The following PLEKHG4B variants were observed in gnomAD, a reference collection of about 807,000 sequenced individuals.
The protein encoded by PLEKHG4B is pleckstrin homology and RhoGEF domain containing G4B, also known as pleckstrin homology domain-containing family G member 4B.
A neutral mutation model predicts 121.3 loss-of-function variants in PLEKHG4B; 111 were observed. The ratio of observed to expected loss-of-function variants is 0.92; its 90% CI spans 0.78 to 1.07. PLEKHG4B has a LOEUF of 1.07. PLEKHG4B is among the 50% of genes least tolerant of loss of function. The pLI is 0.00. For synonymous variants in PLEKHG4B, 738 were observed against 725.0 expected (o/e 1.02, Z -0.29); for missense variants, 1,831 against 1,757.8 (o/e 1.04, Z -0.74).
chr5:99,167 AGTGTATATATATAT>A (rs1463034963), intron 1 of PLEKHG4B, among the ~76,000 whole-genome samples: 11 of 82,634 alleles, frequency 1.3e-4, no homozygotes, highest in African/African-American at 5.3e-4. Flanking sequence ...AAAAAAAAAA[AGTGTATATATATAT>A]ATATATATAT....
intron 2 of PLEKHG4B, among the ~76,000 whole-genome samples, chr5:118,353 C>G (rs1306625588): frequency 6.6e-6 from 1 of 152,186 alleles, no homozygotes; most frequent in Non-Finnish European, 1.5e-5. Flanking sequence ...ACATTAAACA[C>G]ACTGACTCTC....
chr5:163,144 G>A lies in PLEKHG4B; in HGVS notation c.3072G>A (p.Glu1024=), dbSNP rs778572795. The A allele has an allele frequency of 1.9e-5, 29 of 1,556,382 alleles. No individual in the cohort carries two copies. The East Asian group carries it at 3.9e-4, about 21-fold the overall frequency. ...CGCTTCTGTGTGGACAGGACGGGGA[G>A]ACCCTGCGCCCAGGGCTGTGTGCTC... ...GRALLCGQDG[E]TLRPGLCALW... is the part of the protein sequence containing the mutation. The change falls in exon 13 of 20, where the codon GAG becomes GAA. Residue 1024 remains glutamate (E), a synonymous_variant. Coordinates refer to ENST00000637938, the MANE Select transcript of PLEKHG4B (RefSeq NM_052909.5).
chr5:107,396 C>T (rs9986162), intron 1 of PLEKHG4B, among the ~76,000 whole-genome samples: 10,515 of 152,288 alleles, frequency 0.069, 648 homozygotes, highest in African/African-American at 0.17. Flanking sequence ...GTAAGTTGCA[C>T]GACGTTGCCC....
At chr5:120,565 C>A (rs532029265) in intron 2 of PLEKHG4B, among the ~76,000 whole-genome samples, 3 of 152,282 alleles carry the variant, frequency 2.0e-5, no homozygotes, top group African/African-American at 7.2e-5. Context: ...TCATTGCACT[C>A]CTGTAGCTTT....
At chr5:108,780 G>A (rs886854679) in intron 1 of PLEKHG4B, among the ~76,000 whole-genome samples, 1 of 151,190 alleles carries the variant, frequency 6.6e-6, no homozygotes, top group Non-Finnish European at 1.5e-5. Context: ...CAGACTGGGT[G>A]CAGATGGCTG....
intron 2 of PLEKHG4B, among the ~76,000 whole-genome samples, chr5:118,996 G>A (rs991438311): frequency 5.9e-5 from 9 of 151,890 alleles, no homozygotes; most frequent in Admixed American, 2.0e-4. Flanking sequence ...GACTACAGGC[G>A]TGTGCCACCA....
intron 1 of PLEKHG4B, among the ~76,000 whole-genome samples, chr5:92,527 G>GGCGCGC (rs113049112): frequency 2.4e-5 from 3 of 126,388 alleles, no homozygotes; most frequent in Non-Finnish European, 5.0e-5. Context: ...AAGGCGGGCG[G>GGCGCGC]GCGCGGGGAC....
intron 7 of PLEKHG4B, among the ~76,000 whole-genome samples, chr5:152,824 C>G (rs1266589964): frequency 6.6e-6 from 1 of 152,172 alleles, no homozygotes; most frequent in Non-Finnish European, 1.5e-5. Flanking sequence ...GGGGCAGATG[C>G]TGTTCTTCTG....
Position 144,854 on chromosome 5 carries a change from T to A in PLEKHG4B, c.1839T>A (p.Val613=), listed in dbSNP as rs1560927053. ...PRKEVRDLGL[V]VLVDARRSPA... ...AAGAGGTCCGGGACCTGGGGCTGGT[T>A]GTCCTGGTGGATGCACGCAGGAGTC... Residue 613 remains valine, a synonymous_variant, in exon 6 of 20, where the codon GTT becomes GTA. Coordinates refer to ENST00000637938, the MANE Select transcript of PLEKHG4B (RefSeq NM_052909.5). The A allele has an allele frequency of 6.2e-7, 1 of 1,613,382 alleles. No homozygotes were observed. The highest frequency in any genetic ancestry group is 2.2e-5 in the East Asian group (1 of 44,886).
rs201871555 is a variant in PLEKHG4B, at chr5:164,442, CAG to C, written c.3476+895_3476+896del. Among the ~76,000 whole-genome samples the C allele has an allele frequency of 5.8e-3, 869 of 149,192 alleles. 31 individuals are homozygous for C. Among genetic ancestry groups the C allele is most frequent in the Admixed American group, 0.047 (703 of 14,964 alleles). ...CGGAGTTCACCCAGTAATGCTGTGACAGGGGGCGGGGCTCACAGTAATGTTGT... is the reference window on the plus strand; with the variant it reads ...CGGAGTTCACCCAGTAATGCTGTGACGGGGCGGGGCTCACAGTAATGTTGT... On this transcript the variant is annotated intron_variant, in intron 13 of 19. Coordinates refer to ENST00000637938, the MANE Select transcript of PLEKHG4B (RefSeq NM_052909.5).
At position 137,081 on chromosome 5, in the gene PLEKHG4B, T is replaced by C. The variant is rs557044214; in HGVS notation, c.244-2402T>C. 6.6e-6 allele frequency among the ~76,000 whole-genome samples: 1 copy of C among 152,178 alleles called. No homozygotes were observed. The highest frequency in any genetic ancestry group is 1.5e-5 in the Non-Finnish European group (1 of 68,026). On this transcript the variant is annotated intron_variant, in intron 2 of 19. Coordinates refer to ENST00000637938, the MANE Select transcript of PLEKHG4B (RefSeq NM_052909.5). The surrounding 1 kb of genome is among the most constrained non-coding windows in gnomAD (Gnocchi z 4.2). ...CACGCAATGGAAGATTATGCAACCC[T>C]CAGAAGGAGTGCAGTTCCAACACGT...
At position 175,565 on chromosome 5, in the gene PLEKHG4B, T is replaced by C. The variant is rs373789102; in HGVS notation, c.4402+1467T>C. 4.0e-5 allele frequency among the ~76,000 whole-genome samples: 6 copies of C among 151,544 alleles called. No individual in the cohort carries two copies. In the East Asian group the frequency reaches 1.2e-3, roughly 29 times the overall value. On this transcript the variant is annotated intron_variant, in intron 18 of 19. Transcript: ENST00000637938. ...AGACCTAAAACCCAGGCACCCAAGC[T>C]ACAGACACGACCAGGGCTCCTGCAC...
chr5:120,440 A>G (rs1324854998), intron 2 of PLEKHG4B, among the ~76,000 whole-genome samples: 2 of 152,234 alleles, frequency 1.3e-5, no homozygotes, highest in Admixed American at 6.5e-5. Context: ...ATTTGAAACT[A>G]GAGATAGGCT....
Position 185,118 on chromosome 5 carries a change from T to A in PLEKHG4B, c.*2795T>A, listed in dbSNP as rs1326888766. 1 of 152,110 alleles carries A rather than the reference T, an allele frequency of 6.6e-6. No homozygotes were observed. Among genetic ancestry groups the A allele is most frequent in the Non-Finnish European group, 1.5e-5 (1 of 68,022 alleles). The allele number at this position is 152,110 out of a possible 1,614,324, so 9.4% of individuals were successfully genotyped here. The stretch of plus-strand genomic sequence containing the variant: ...AACAGAGGAGATAAAATGGAATTTT[T>A]AAAAATCCAGTCCAAAAATACGTAG... On this transcript the variant is annotated 3_prime_UTR_variant, in exon 20 of 20. Transcript: ENST00000637938.
chr5:100,440 C>T (rs1390734140), intron 1 of PLEKHG4B, among the ~76,000 whole-genome samples: 21 of 119,530 alleles, frequency 1.8e-4, no homozygotes, highest in African/African-American at 1.4e-4. Flanking sequence ...CATATAAAGC[C>T]CTGGAAAAAG....
At chr5:110,049 C>A (rs1183845823) in intron 1 of PLEKHG4B, among the ~76,000 whole-genome samples, 1 of 151,322 alleles carries the variant, frequency 6.6e-6, no homozygotes, top group Non-Finnish European at 1.5e-5. Flanking sequence ...ATCTGCAAGA[C>A]ACGTGCACAC....
chr5:115,946 G>A (rs1028014359), intron 2 of PLEKHG4B, among the ~76,000 whole-genome samples: 1 of 152,184 alleles, frequency 6.6e-6, no homozygotes, highest in Non-Finnish European at 1.5e-5. Context: ...CCTTAGAGTG[G>A]ACTTTTAATT....
chr5:127,340 TTTATTATTATTA>T lies in PLEKHG4B; in HGVS notation c.244-12114_244-12103del, dbSNP rs60825083. Among the ~76,000 whole-genome samples the T allele has an allele frequency of 1.1e-4, 15 of 135,562 alleles. 1 individual carries two copies. The highest frequency in any genetic ancestry group is 5.3e-4 in the Admixed American group (7 of 13,200). The allele number at this position is 135,562 out of a possible 152,430, so 88.9% of individuals were successfully genotyped here. On this transcript the variant is annotated intron_variant, in intron 2 of 19. Transcript: ENST00000637938. ...TCATTGTTTCTGCTTATTGTTGGTT[TTTATTATTATTA>T]TTATTATTATTATTATTATTATTAT...
At chr5:178,699 T>C (rs1736839501) in intron 18 of PLEKHG4B, among the ~76,000 whole-genome samples, 1 of 152,224 alleles carries the variant, frequency 6.6e-6, no homozygotes, top group South Asian at 2.1e-4. Flanking sequence ...CAGAGCCTCT[T>C]TGATCATAAT....
Sources: gnomAD v4.1 joint callset for allele counts (sites outside exome capture counted in the v4.1 genomes callset) on GRCh38, gnomAD v4.1.1 for gene constraint, Gnocchi (gnomAD v3.1) non-coding constraint, MANE v1.5 for transcripts, NCBI Gene and HGNC (gene_info 2026-07-23, HGNC 2026-07-21) for gene names.